SGCD: variants seen among roughly 807,000 people sequenced by gnomAD.
The protein encoded by SGCD is sarcoglycan delta, also known as delta-sarcoglycan.
SGCD carries 18 observed loss-of-function variants against 36.6 expected under a neutral mutation model. That is an observed-to-expected ratio of 0.49 (90% CI 0.34 to 0.73). SGCD has a LOEUF of 0.73. Ranked by LOEUF, SGCD falls within the 30% of genes least tolerant of loss-of-function variation. The probability of loss-of-function intolerance (pLI) is 0.01; values close to 1 mark genes in which losing one functional copy is unlikely to be tolerated. For synonymous variants in SGCD, 133 were observed against 130.6 expected (o/e 1.02, Z -0.12); for missense variants, 387 against 346.7 (o/e 1.12, Z -0.92).
At chr5:156,079,074 T>G (rs1760878802) in intron 1 of SGCD, among the ~76,000 whole-genome samples, 2 of 144,792 alleles carry the variant, frequency 1.4e-5, no homozygotes, top group South Asian at 4.5e-4. Context: ...GCAGGCTATA[T>G]AGGTAGCATG....
upstream of SGCD, among the ~76,000 whole-genome samples, chr5:155,867,268 A>G (rs566373853): frequency 8.5e-5 from 13 of 152,312 alleles, no homozygotes; most frequent in African/African-American, 3.1e-4. Flanking sequence ...GCCAGAGTGA[A>G]AGGAGAGAAG....
chr5:156,452,822 T>C (rs1472029325), intron 3 of SGCD, among the ~76,000 whole-genome samples: 1 of 152,094 alleles, frequency 6.6e-6, no homozygotes, highest in African/African-American at 2.4e-5. Context: ...TGTAGATAAA[T>C]GTGAGATATT....
chr5:156,309,822 T>C (rs968730725), intron 3 of SGCD, among the ~76,000 whole-genome samples: 1 of 152,096 alleles, frequency 6.6e-6, no homozygotes, highest in African/African-American at 2.4e-5. Flanking sequence ...TGTTTTAAAG[T>C]CTTTGTTTAG....
chr5:155,842,436 G>A, the SGCD span, among the ~76,000 whole-genome samples: 1 of 151,932 alleles, frequency 6.6e-6, no homozygotes, highest in African/African-American at 2.4e-5. Context: ...ATCTGGGCAT[G>A]GTGGTGCACA....
upstream of SGCD, among the ~76,000 whole-genome samples, chr5:155,868,070 G>A (rs760335275): frequency 9.3e-5 from 14 of 149,948 alleles, no homozygotes; most frequent in Non-Finnish European, 1.8e-4. Flanking sequence ...TTTTTTTTTC[G>A]AGATGGAGTC....
intron 3 of SGCD, among the ~76,000 whole-genome samples, chr5:156,401,828 C>T (rs553058199): frequency 1.2e-4 from 19 of 152,202 alleles, no homozygotes; most frequent in Admixed American, 9.8e-4. Flanking sequence ...ATAGTTCAAG[C>T]GACATTAAGT....
chr5:155,788,488 T>C, the SGCD span, among the ~76,000 whole-genome samples: 1 of 152,178 alleles, frequency 6.6e-6, no homozygotes, highest in Non-Finnish European at 1.5e-5. Flanking sequence ...TATTTCTATA[T>C]CAAGATACAT....
chr5:156,734,167 C>G (rs1003146183), intron 7 of SGCD, among the ~76,000 whole-genome samples: 8 of 151,948 alleles, frequency 5.3e-5, no homozygotes, highest in African/African-American at 1.9e-4. Flanking sequence ...ATGAAGAATT[C>G]TAGGTTGGAA....
At chr5:156,097,614 AT>A (rs1761412770) in intron 1 of SGCD, among the ~76,000 whole-genome samples, 1 of 150,902 alleles carries the variant, frequency 6.6e-6, no homozygotes, top group Non-Finnish European at 1.5e-5. Flanking sequence ...CTGTTTTTTC[AT>A]TTGTATTGAG....
At chr5:156,156,241 C>T (rs1023688437) in intron 3 of SGCD, among the ~76,000 whole-genome samples, 3 of 151,518 alleles carry the variant, frequency 2.0e-5, no homozygotes, top group Admixed American at 6.6e-5. Context: ...AAAGAGTACT[C>T]GGTAAGTTAG....
At chr5:156,246,923 T>C (rs1477160012) in intron 3 of SGCD, among the ~76,000 whole-genome samples, 1 of 152,148 alleles carries the variant, frequency 6.6e-6, no homozygotes, top group African/African-American at 2.4e-5. Context: ...GTACTAAGCA[T>C]CTCAATGAAG....
At chr5:156,663,336 C>T in intron 7 of SGCD, among the ~76,000 whole-genome samples, 1 of 141,994 alleles carries the variant, frequency 7.0e-6, no homozygotes, top group African/African-American at 2.7e-5. Context: ...TGATTTAAAG[C>T]AATGATAGAG....
the SGCD span, among the ~76,000 whole-genome samples, chr5:155,791,059 TC>T: frequency 6.6e-6 from 1 of 152,136 alleles, no homozygotes; most frequent in African/African-American, 2.4e-5. Flanking sequence ...TTTTTAAAAT[TC>T]TGCTTAAATA....
Position 156,210,177 on chromosome 5 carries a change from C to G in SGCD, c.-44+86158C>G, listed in dbSNP as rs1305634741. Among the ~76,000 whole-genome samples, 3 of 152,184 alleles carry G rather than the reference C, an allele frequency of 2.0e-5. 1 individual carries two copies. The highest frequency in any genetic ancestry group is 2.9e-5 in the Non-Finnish European group (2 of 68,028). On this transcript the variant is annotated intron_variant, in intron 3 of 9. Transcript: ENST00000517913. ...AGACCCAGGTAGCAAACCCACCCATCTGCCGACCCAGGCAATAGGCACCCA... is the reference window on the plus strand; with the variant it reads ...AGACCCAGGTAGCAAACCCACCCATGTGCCGACCCAGGCAATAGGCACCCA...
At chr5:156,544,170 CA>C (rs897101395) in intron 4 of SGCD, among the ~76,000 whole-genome samples, 9 of 151,974 alleles carry the variant, frequency 5.9e-5, no homozygotes, top group Non-Finnish European at 1.3e-4. Context: ...CAAAGATAGG[CA>C]AAAAATGAGT....
At chr5:156,254,046 G>A (rs1190835752) in intron 3 of SGCD, among the ~76,000 whole-genome samples, 3 of 151,908 alleles carry the variant, frequency 2.0e-5, no homozygotes, top group African/African-American at 4.8e-5. Flanking sequence ...TTATATCATC[G>A]CAAATGATGT....
At chr5:155,975,609 CTTTTTTTTTTTTTTTTTTTTTT>C (rs763067309) in intron 1 of SGCD, among the ~76,000 whole-genome samples, 8 of 28,026 alleles carry the variant, frequency 2.9e-4, no homozygotes, top group East Asian at 1.3e-3. Flanking sequence ...TCTTTCTTTC[CTTTTTTTTTTTTTTTTTTTTTT>C]TTTTTTTTTT....
intron 2 of SGCD, among the ~76,000 whole-genome samples, chr5:156,119,496 G>A (rs1761983112): frequency 6.6e-6 from 1 of 152,032 alleles, no homozygotes; most frequent in African/African-American, 2.4e-5. Context: ...ATACCTATAT[G>A]GTATCTCCAC....
chr5:156,556,002 T>C (rs958936096), intron 4 of SGCD, among the ~76,000 whole-genome samples: 8 of 152,108 alleles, frequency 5.3e-5, no homozygotes, highest in African/African-American at 1.7e-4. Context: ...AAGATTCATC[T>C]TTCTGTCTAA....
Sources: gnomAD v4.1 joint callset for allele counts (sites outside exome capture counted in the v4.1 genomes callset) on GRCh38, gnomAD v4.1.1 for gene constraint, MANE v1.5 for transcripts, NCBI Gene and HGNC (gene_info 2026-07-23, HGNC 2026-07-21) for gene names.